The following GRK5 variants were observed in gnomAD, a reference collection of about 807,000 sequenced individuals.
GRK5 encodes G protein-coupled receptor kinase 5.
A neutral mutation model predicts 78.4 loss-of-function variants in GRK5; 40 were observed. The observed-to-expected ratio is 0.51, with a 90% CI of 0.40 to 0.66. The LOEUF (loss-of-function observed/expected upper bound fraction) is 0.66, where lower values mean the gene tolerates loss of function less well. Among genes scored for constraint, GRK5 ranks in the 30% least tolerant of loss-of-function variants. GRK5 has a pLI of 0.00. For missense variants in GRK5, 598 were observed against 759.9 expected, an observed-to-expected ratio of 0.79 and a Z score of 2.50; for synonymous variants, 289 against 296.8, an observed-to-expected ratio of 0.97 and a Z score of 0.27.
intron 1 of GRK5, among the ~76,000 whole-genome samples, chr10:119,285,645 C>T (rs1416975380): frequency 2.0e-5 from 3 of 152,098 alleles, no homozygotes; most frequent in South Asian, 2.1e-4. Context: ...GGACCATGGG[C>T]GCAGTTCTTA....
chr10:119,393,364 G>C (rs1227698331), intron 3 of GRK5, among the ~76,000 whole-genome samples: 4 of 152,252 alleles, frequency 2.6e-5, no homozygotes, highest in Non-Finnish European at 4.4e-5. Context: ...ACCTGAAAGG[G>C]ATGTTATTTT....
At chr10:119,352,315 T>C (rs1851197601) in intron 2 of GRK5, among the ~76,000 whole-genome samples, 1 of 152,040 alleles carries the variant, frequency 6.6e-6, no homozygotes, top group East Asian at 1.9e-4. Flanking sequence ...TAGAAAAAGA[T>C]AAGAGGGAAA....
chr10:119,254,228 T>TA (rs138704847), intron 1 of GRK5, among the ~76,000 whole-genome samples: 20,184 of 152,124 alleles, frequency 0.13, 1,436 homozygotes, highest in Middle Eastern at 0.17. Flanking sequence ...TGGCTTGTTT[T>TA]AAAGGAGGAG....
rs559146967 is a variant in GRK5, at chr10:119,245,013, C to T, written c.52+37044C>T. On this transcript the variant is annotated intron_variant, in intron 1 of 15. Transcript: ENST00000392870. ...GAATTCAAGGCTGGGCGCGGTGGCT[C>T]GCACCTGTAATCCCAGCACTTTGGG... Among the ~76,000 whole-genome samples, 433 of 152,200 alleles carry T rather than the reference C, an allele frequency of 2.8e-3. 1 individual carries two copies. Among genetic ancestry groups the T allele is most frequent in the Non-Finnish European group, 5.6e-3 (382 of 68,010 alleles).
At position 119,342,153 on chromosome 10, in the gene GRK5, C is replaced by G. The variant is rs1327461531; in HGVS notation, c.148+15542C>G. 3.3e-5 allele frequency among the ~76,000 whole-genome samples: 5 copies of G among 152,210 alleles called. No individual in the cohort carries two copies. In the East Asian group the frequency reaches 9.6e-4, roughly 29 times the overall value. ...TGGCTGAGCCCAGCTTGGGGCAGAG[C>G]AAGCCACTGAGAATGGCTTTGCCAG... On this transcript the variant is annotated intron_variant, in intron 2 of 15. Transcript: ENST00000392870.
rs1267111033 is a variant in GRK5 at position 119,431,614 on chromosome 10, CG to C, written c.738+89del. 87 of 1,472,596 alleles carry C rather than the reference CG, an allele frequency of 5.9e-5. 1 individual carries two copies. Among genetic ancestry groups the C allele is most frequent in the Non-Finnish European group, 6.7e-5 (73 of 1,091,556 alleles). 91.2% of individuals were successfully genotyped at this position (1,472,596 alleles called of 1,614,324 possible). ...TCCGGAAGGGCGTGGTCCTCTAATG[CG>C]GCCGGTCCCCACCCCTGGGAAGGGG... On this transcript the variant is annotated intron_variant, in intron 8 of 15. Coordinates refer to ENST00000392870, the MANE Select transcript of GRK5 (RefSeq NM_005308.3). The surrounding 1 kb of genome is among the most constrained non-coding windows in gnomAD (Gnocchi z 4.8).
intron 2 of GRK5, among the ~76,000 whole-genome samples, chr10:119,344,821 C>T (rs1482801491): frequency 6.6e-6 from 1 of 151,974 alleles, no homozygotes; most frequent in Non-Finnish European, 1.5e-5. Flanking sequence ...GAGCTTCCCA[C>T]CCCTGGCAGT....
chr10:119,357,978 G>A (rs1317429180), intron 2 of GRK5, among the ~76,000 whole-genome samples: 1 of 152,188 alleles, frequency 6.6e-6, no homozygotes, highest in Admixed American at 6.5e-5. Context: ...TGGTCCTCTC[G>A]GGGTGGCTGC....
At chr10:119,260,828 A>G (rs1055377165) in intron 1 of GRK5, among the ~76,000 whole-genome samples, 10 of 151,694 alleles carry the variant, frequency 6.6e-5, no homozygotes, top group Non-Finnish European at 1.5e-4. Context: ...CACGGCAACC[A>G]TCCGATTTCT....
intron 1 of GRK5, among the ~76,000 whole-genome samples, chr10:119,294,520 C>T (rs1247944894): frequency 6.6e-6 from 1 of 152,114 alleles, no homozygotes; most frequent in Non-Finnish European, 1.5e-5. Flanking sequence ...CTCTTGTTCT[C>T]AGGAAAGGGC....
chr10:119,367,103 T>C (rs1266967568), intron 2 of GRK5, among the ~76,000 whole-genome samples: 1 of 152,018 alleles, frequency 6.6e-6, no homozygotes, highest in Non-Finnish European at 1.5e-5. Context: ...GTTTCCATTA[T>C]TGTTATTATA....
At chr10:119,296,335 A>G (rs1270418057) in intron 1 of GRK5, among the ~76,000 whole-genome samples, 1 of 152,252 alleles carries the variant, frequency 6.6e-6, no homozygotes, top group Non-Finnish European at 1.5e-5. Context: ...ACCAGATCAC[A>G]TAGCAAATGC....
chr10:119,354,457 A>G (rs1851236111), intron 2 of GRK5, among the ~76,000 whole-genome samples: 1 of 130,898 alleles, frequency 7.6e-6, no homozygotes, highest in Non-Finnish European at 1.5e-5. Flanking sequence ...GCTGGAGTGC[A>G]GTGGCGCAAT....
intron 4 of GRK5, among the ~76,000 whole-genome samples, chr10:119,399,997 T>G (rs192852697): frequency 1.1e-4 from 17 of 152,328 alleles, no homozygotes; most frequent in African/African-American, 4.1e-4. Context: ...TCTGTATCCC[T>G]GCATGTATTG....
chr10:119,409,875 C>T (rs1393441558), intron 4 of GRK5, among the ~76,000 whole-genome samples: 4 of 152,226 alleles, frequency 2.6e-5, no homozygotes, highest in Non-Finnish European at 4.4e-5. Flanking sequence ...GGACACTCCC[C>T]ACCGTTTCCC....
At chr10:119,438,924 C>T (rs1485986677) in intron 9 of GRK5, among the ~76,000 whole-genome samples, 10 of 152,250 alleles carry the variant, frequency 6.6e-5, no homozygotes, top group Admixed American at 5.2e-4. Context: ...TTAACCACTC[C>T]GCATGAGGAC....
chr10:119,208,118 C>A, intron 1 of GRK5, 149 bp downstream of exon 1: 1 of 684,266 alleles, frequency 1.5e-6, no homozygotes, highest in Admixed American at 3.5e-5. Flanking sequence ...AGCGGCTCTG[C>A]AGACCCTTCA....
In GRK5 at chr10:119,238,971, A is replaced by C. The variant is rs1460418555; in HGVS notation, c.52+31002A>C. ...GAAGCCAAGGCATTAGAGAAACGTG[A>C]TTTTTCATTTAATTATATATATAGT... On this transcript the variant is annotated intron_variant, in intron 1 of 15. Coordinates refer to ENST00000392870, the MANE Select transcript of GRK5 (RefSeq NM_005308.3). This position sits in a 1 kb window ranked among gnomAD's most constrained non-coding sequence, Gnocchi z 4.7. Among the ~76,000 whole-genome samples the C allele has an allele frequency of 6.6e-6, 1 of 152,066 alleles. No homozygotes were observed. The highest frequency in any genetic ancestry group is 2.4e-5 in the African/African-American group (1 of 41,420).
intron 1 of GRK5, among the ~76,000 whole-genome samples, chr10:119,246,271 C>T (rs1180393999): frequency 6.6e-6 from 1 of 152,048 alleles, no homozygotes; most frequent in Non-Finnish European, 1.5e-5. Flanking sequence ...ACTTATAATA[C>T]CTCATACAAT....
Sources: gnomAD v4.1 joint callset for allele counts (sites outside exome capture counted in the v4.1 genomes callset) on GRCh38, gnomAD v4.1.1 for gene constraint, Gnocchi (gnomAD v3.1) non-coding constraint, MANE v1.5 for transcripts, NCBI Gene and HGNC (gene_info 2026-07-23, HGNC 2026-07-21) for gene names.